TAF1B: variants seen among roughly 807,000 people sequenced by gnomAD.
The protein encoded by TAF1B is TATA box-binding protein-associated factor RNA polymerase I subunit B.
TAF1B carries 61 observed loss-of-function variants against 83.9 expected under a neutral mutation model. The observed-to-expected ratio is 0.73, with a 90% CI of 0.59 to 0.90. The LOEUF is 0.90. Ranked by LOEUF, TAF1B falls within the 40% of genes least tolerant of loss-of-function variation. TAF1B has a pLI of 0.00. For synonymous variants in TAF1B, 221 were observed against 224.6 expected (o/e 0.98, Z 0.14); for missense variants, 625 against 677.0 (o/e 0.92, Z 0.85).
At chr2:9,928,576 T>A (rs1207581091) in intron 14 of TAF1B, among the ~76,000 whole-genome samples, 2 of 152,260 alleles carry the variant, frequency 1.3e-5, no homozygotes, top group African/African-American at 4.8e-5. Flanking sequence ...ATCCTTCACA[T>A]CCCTTGTAAG....
intron 8 of TAF1B, among the ~76,000 whole-genome samples, chr2:9,904,241 G>C (rs1397391026): frequency 2.0e-5 from 3 of 152,040 alleles, no homozygotes; most frequent in Admixed American, 2.0e-4. Flanking sequence ...GCACAGTAAA[G>C]GTAGTTTTTT....
chr2:9,915,227 C>T (rs929438568), intron 12 of TAF1B, among the ~76,000 whole-genome samples: 2 of 152,048 alleles, frequency 1.3e-5, no homozygotes, highest in Non-Finnish European at 2.9e-5. Flanking sequence ...TAATTTTTGC[C>T]TTCCCTTTTG....
intron 5 of TAF1B, among the ~76,000 whole-genome samples, chr2:9,857,744 G>A (rs532660983): frequency 2.0e-5 from 3 of 152,168 alleles, no homozygotes; most frequent in Admixed American, 6.5e-5. Flanking sequence ...GAGAGAGTGC[G>A]TGCGTGTGAG....
chr2:9,911,775 A>G (rs1355840424), intron 11 of TAF1B, among the ~76,000 whole-genome samples: 1 of 152,204 alleles, frequency 6.6e-6, no homozygotes, highest in East Asian at 1.9e-4. Context: ...ATGTAAGACC[A>G]GGCTGCTTTG....
At chr2:9,861,498 T>G (rs992223056) in intron 5 of TAF1B, among the ~76,000 whole-genome samples, 1 of 152,234 alleles carries the variant, frequency 6.6e-6, no homozygotes, top group Non-Finnish European at 1.5e-5. Context: ...CCTGCCTGCC[T>G]CTGTAGGCTC....
chr2:9,920,206 A>G (rs190987050), intron 14 of TAF1B, among the ~76,000 whole-genome samples: 21 of 152,296 alleles, frequency 1.4e-4, no homozygotes, highest in Non-Finnish European at 7.4e-5. Flanking sequence ...CTCTTAAGTG[A>G]CCACAGTACA....
chr2:9,895,904 T>TG (rs1376227046), intron 8 of TAF1B, among the ~76,000 whole-genome samples: 1 of 151,520 alleles, frequency 6.6e-6, no homozygotes, highest in East Asian at 1.9e-4. Context: ...GAGCCTGCTG[T>TG]TGTGTAACAG....
intron 5 of TAF1B, among the ~76,000 whole-genome samples, chr2:9,862,623 A>G (rs903455588): frequency 6.6e-6 from 1 of 152,122 alleles, no homozygotes; most frequent in African/African-American, 2.4e-5. Flanking sequence ...GAGAAGAGCA[A>G]CTCCAAGACA....
chr2:9,904,612 T>C (rs1665285284), intron 8 of TAF1B, among the ~76,000 whole-genome samples: 1 of 152,218 alleles, frequency 6.6e-6, no homozygotes, highest in Non-Finnish European at 1.5e-5. Context: ...TATCCAGTAA[T>C]AGGTTTGCTG....
intron 2 of TAF1B, chr2:9,846,293 T>C (rs999074548): frequency 2.7e-6 from 1 of 364,556 alleles, no homozygotes; most frequent in Admixed American, 3.6e-5. Flanking sequence ...TACCTTCACA[T>C]TGTGAGTGCT....
At chr2:9,916,942 G>C (rs1012542307) in intron 12 of TAF1B, among the ~76,000 whole-genome samples, 8 of 147,492 alleles carry the variant, frequency 5.4e-5, no homozygotes, top group Non-Finnish European at 8.9e-5. Flanking sequence ...CGCCTCCCGG[G>C]TTCAAGCAGT....
chr2:9,861,800 T>C (rs1303282771), intron 5 of TAF1B, among the ~76,000 whole-genome samples: 2 of 152,214 alleles, frequency 1.3e-5, no homozygotes, highest in Non-Finnish European at 2.9e-5. Context: ...ATATCCGCTG[T>C]TCTGCAGCCA....
intron 5 of TAF1B, among the ~76,000 whole-genome samples, chr2:9,858,165 C>T (rs540077610): frequency 6.6e-6 from 1 of 152,352 alleles, no homozygotes; most frequent in African/African-American, 2.4e-5. Context: ...AATGAGGTTA[C>T]AGGCATTGGG....
chr2:9,927,263 T>G (rs1666071098), intron 14 of TAF1B, among the ~76,000 whole-genome samples: 1 of 152,326 alleles, frequency 6.6e-6, no homozygotes, highest in East Asian at 1.9e-4. Context: ...CTTAATCCAG[T>G]CTATCATTGA....
At chr2:9,879,921 G>A (rs1037373249) in intron 7 of TAF1B, among the ~76,000 whole-genome samples, 3 of 152,178 alleles carry the variant, frequency 2.0e-5, no homozygotes, top group Admixed American at 2.0e-4. Context: ...GGGGAACTGC[G>A]GGTTTCCAGT....
At chr2:9,860,514 A>G (rs913464610) in intron 5 of TAF1B, among the ~76,000 whole-genome samples, 1 of 152,204 alleles carries the variant, frequency 6.6e-6, no homozygotes, top group Admixed American at 6.5e-5. Context: ...ATTTGAAGAT[A>G]GTAGCTAGTA....
Position 9,845,164 on chromosome 2 carries a change from A to G in TAF1B, c.19-56A>G, listed in dbSNP as rs971570567. 6.9e-6 allele frequency: 9 copies of G among 1,311,616 alleles called. No homozygotes were observed. The African/African-American group carries it at 1.3e-4, about 19-fold the overall frequency. 81.2% of individuals were successfully genotyped at this position (1,311,616 alleles called of 1,614,324 possible). On this transcript the variant is annotated intron_variant, in intron 1 of 14. Coordinates refer to ENST00000263663, the MANE Select transcript of TAF1B (RefSeq NM_005680.3). ...TTAAATAGAACTGCAAGGTTTAGGTACGATGTATTGAATGTGGCTTGATGG... is the reference window on the plus strand; with the variant it reads ...TTAAATAGAACTGCAAGGTTTAGGTGCGATGTATTGAATGTGGCTTGATGG...
intron 6 of TAF1B, 42 bp from the exon 7 acceptor site, chr2:9,875,823 A>G: frequency 6.5e-7 from 1 of 1,531,572 alleles, no homozygotes. Context: ...TGTTATCCAA[A>G]TAGTTCACTG....
At chr2:9,880,358 T>C (rs766242850) in intron 7 of TAF1B, among the ~76,000 whole-genome samples, 2 of 151,698 alleles carry the variant, frequency 1.3e-5, no homozygotes, top group Non-Finnish European at 2.9e-5. Context: ...ACTTCCTGGA[T>C]TGATCTAGAG....
Sources: allele counts gnomAD v4.1 joint callset (sites outside exome capture counted in the v4.1 genomes callset), GRCh38; gene constraint gnomAD v4.1.1; transcripts MANE v1.5; gene names NCBI Gene and HGNC (gene_info 2026-07-23, HGNC 2026-07-21).